Variants in USH2A observed in about 807,000 individuals in gnomAD.
USH2A encodes the protein Usher syndrome 2A (autosomal recessive, mild).
USH2A carries 443 observed loss-of-function variants against 538.9 expected under a neutral mutation model. The ratio of observed to expected loss-of-function variants is 0.82; its 90% CI spans 0.76 to 0.89. USH2A has a LOEUF of 0.89. Ranked by LOEUF, USH2A falls within the 40% of genes least tolerant of loss-of-function variation. The pLI, the probability that USH2A is intolerant of heterozygous loss-of-function variation, is 0.00. For missense variants in USH2A, 6,633 were observed against 6,324.8 expected (o/e 1.05, Z -1.65); for synonymous variants, 2,413 against 2,273.5 (o/e 1.06, Z -1.75).
At chr1:216,348,362 A>G (rs1031883189) in intron 4 of USH2A, among the ~76,000 whole-genome samples, 1 of 152,138 alleles carries the variant, frequency 6.6e-6, no homozygotes, top group Non-Finnish European at 1.5e-5. Context: ...AACTGGTCAC[A>G]TTCTTTGTTT....
chr1:215,932,245 C>A (rs1031775396), intron 38 of USH2A, among the ~76,000 whole-genome samples: 1 of 151,858 alleles, frequency 6.6e-6, no homozygotes, highest in Non-Finnish European at 1.5e-5. Context: ...GCATATAGAA[C>A]CTTCTCTGCC....
At chr1:216,014,739 G>A (rs533635785) in intron 32 of USH2A, among the ~76,000 whole-genome samples, 1 of 152,172 alleles carries the variant, frequency 6.6e-6, no homozygotes, top group African/African-American at 2.4e-5. Flanking sequence ...ATCCTTAGAC[G>A]TGTTACAAGG....
intron 58 of USH2A, among the ~76,000 whole-genome samples, chr1:215,756,470 C>T (rs1358186936): frequency 6.6e-6 from 1 of 152,100 alleles, no homozygotes; most frequent in Non-Finnish European, 1.5e-5. Flanking sequence ...TGAAATTTCC[C>T]GTATTGCTCT....
intron 3 of USH2A, among the ~76,000 whole-genome samples, chr1:216,367,045 A>G (rs928293197): frequency 3.9e-5 from 6 of 152,194 alleles, no homozygotes; most frequent in African/African-American, 1.4e-4. Flanking sequence ...GTATTAATGC[A>G]TAAAAAAGAA....
chr1:216,166,008 T>C (rs11120739), intron 21 of USH2A, among the ~76,000 whole-genome samples: 31,543 of 152,042 alleles, frequency 0.21, 3,342 homozygotes, highest in Admixed American at 0.25. Flanking sequence ...ATCATCGTTA[T>C]GCCTTTGCGT....
intron 11 of USH2A, among the ~76,000 whole-genome samples, chr1:216,261,168 G>A (rs1400897523): frequency 2.6e-5 from 4 of 151,644 alleles, no homozygotes; most frequent in Non-Finnish European, 5.9e-5. Flanking sequence ...AACAATGCAG[G>A]GAATTAGAGA....
At chr1:216,113,068 G>T (rs1002790198) in intron 21 of USH2A, among the ~76,000 whole-genome samples, 4 of 147,906 alleles carry the variant, frequency 2.7e-5, no homozygotes, top group Non-Finnish European at 5.9e-5. Context: ...TCCTTGGAAC[G>T]ATTAAAATCT....
At chr1:216,000,318 T>G in intron 33 of USH2A, 85 bp downstream of exon 33, 1 of 1,568,844 alleles carries the variant, frequency 6.4e-7, no homozygotes, top group Non-Finnish European at 8.8e-7. Context: ...TAAAATTAAT[T>G]TTATGTCACA....
chr1:215,664,013 C>A (rs1426047898), intron 64 of USH2A, among the ~76,000 whole-genome samples: 1 of 152,150 alleles, frequency 6.6e-6, no homozygotes, highest in Non-Finnish European at 1.5e-5. Context: ...AATCCTACAT[C>A]ATCCGAGTCC....
intron 70 of USH2A, chr1:215,630,208 C>A (rs1350636986): frequency 2.1e-6 from 1 of 471,116 alleles, no homozygotes; most frequent in Non-Finnish European, 4.3e-6. Context: ...CATGGTGTAA[C>A]TTTTTAGGGT....
chr1:216,410,358 T>C (rs4846428), intron 3 of USH2A, among the ~76,000 whole-genome samples: 101,392 of 151,854 alleles, frequency 0.67, 33,952 homozygotes, highest in East Asian at 0.83. Context: ...TGCGTATATA[T>C]CCAAAGGAAT....
At chr1:215,960,505 G>A (rs116034057) in intron 37 of USH2A, among the ~76,000 whole-genome samples, 55 of 152,174 alleles carry the variant, frequency 3.6e-4, no homozygotes, top group African/African-American at 1.3e-3. Flanking sequence ...CCTGTGCAAG[G>A]TGAATGGTGC....
chr1:216,086,772 C>G lies in USH2A; in HGVS notation c.4934G>C (p.Gly1645Ala). ...TCGCGGGAGCCCTCCCAGAAAGACTCCTGTGTTATCTCCAATAACAGTACT... is the reference window on the plus strand; with the variant it reads ...TCGCGGGAGCCCTCCCAGAAAGACTGCTGTGTTATCTCCAATAACAGTACT... ...NGSTVIGDNTGVFLGGLPRSY... is the reference protein window; with the variant it reads ...NGSTVIGDNTAVFLGGLPRSY... The change falls in exon 24 of 72, where the codon GGA (glycine) becomes GCA (alanine). Residue 1645 changes from glycine (G) to alanine (A), a missense_variant. Coordinates refer to ENST00000307340, the MANE Select transcript of USH2A (RefSeq NM_206933.4). 5 of 1,613,062 alleles carry G rather than the reference C, an allele frequency of 3.1e-6. No homozygotes were observed. Among genetic ancestry groups the G allele is most frequent in the Non-Finnish European group, 4.2e-6 (5 of 1,179,352 alleles).
chr1:215,826,356 GA>G (rs1663154053), intron 47 of USH2A, among the ~76,000 whole-genome samples: 1 of 152,160 alleles, frequency 6.6e-6, no homozygotes, highest in African/African-American at 2.4e-5. Flanking sequence ...GACCTCTCAA[GA>G]AAAACATACA....
chr1:216,105,043 A>G (rs1485011694), intron 21 of USH2A, among the ~76,000 whole-genome samples: 1 of 152,232 alleles, frequency 6.6e-6, no homozygotes. Context: ...TATGCAGCCA[A>G]CAGACACATG....
chr1:215,705,751 C>A (rs1480130054), intron 61 of USH2A, among the ~76,000 whole-genome samples: 1 of 152,184 alleles, frequency 6.6e-6, no homozygotes, highest in African/African-American at 2.4e-5. Context: ...ACCCTGACTG[C>A]AGTCGACCAG....
chr1:215,680,074 C>T lies in USH2A; in HGVS notation c.12294+75G>A, dbSNP rs55895740. The stretch of plus-strand genomic sequence containing the variant: ...TGTGAAGGGAGTTTTCCCACAGTGA[C>T]CTGATGGCATGTCAGGGCTCATCTA... On this transcript the variant is annotated intron_variant, in intron 62 of 71. Transcript: ENST00000307340. 3.4e-3 allele frequency: 4,990 copies of T among 1,463,948 alleles called. 21 individuals are homozygous for T. The highest frequency in any genetic ancestry group is 8.7e-3 in the Middle Eastern group (50 of 5,778). The allele number at this position is 1,463,948 out of a possible 1,614,324, so 90.7% of individuals were successfully genotyped here. A position where few individuals can be genotyped will look rare whatever the true frequency, so the allele number is the denominator to read the frequency against.
rs537385051 is a variant in USH2A, at chr1:216,282,345, T to C, written c.1971+6935A>G. ...TTGCATCTACATTTTCTTCTCAAGA[T>C]TTTATAATTTTAGCTTTTATATTCA... On this transcript the variant is annotated intron_variant, in intron 11 of 71. Transcript: ENST00000307340. Among the ~76,000 whole-genome samples, 39 of 152,308 alleles carry C rather than the reference T, an allele frequency of 2.6e-4. 1 individual carries two copies. Among genetic ancestry groups the C allele is most frequent in the Admixed American group, 2.2e-3 (34 of 15,296 alleles).
intron 44 of USH2A, among the ~76,000 whole-genome samples, chr1:215,853,263 G>A (rs138789363): frequency 0.013 from 1,985 of 152,312 alleles, 16 homozygotes; most frequent in Non-Finnish European, 0.016. Context: ...CTCTGAAGCC[G>A]TGGCCCAAGC....
Sources: gnomAD v4.1 joint callset for allele counts (sites outside exome capture counted in the v4.1 genomes callset) on GRCh38, gnomAD v4.1.1 for gene constraint, MANE v1.5 for transcripts, NCBI Gene and HGNC (gene_info 2026-07-23, HGNC 2026-07-21) for gene names.